NELL1: variants seen among roughly 807,000 people sequenced by gnomAD.
NELL1 encodes the protein protein kinase C-binding protein NELL1.
In NELL1, 76 loss-of-function variants were observed where a neutral mutation model predicts 107.4. The observed-to-expected ratio is 0.71, with a 90% CI of 0.59 to 0.86. NELL1 has a LOEUF of 0.86. Among genes scored for constraint, NELL1 ranks in the 40% least tolerant of loss-of-function variants. The pLI is 0.00. For synonymous variants in NELL1, 353 were observed against 341.2 expected (o/e 1.03, Z -0.38); for missense variants, 1,024 against 1,005.5 (o/e 1.02, Z -0.25).
At chr11:20,824,152 A>G (rs1324939069) in intron 3 of NELL1, among the ~76,000 whole-genome samples, 1 of 151,106 alleles carries the variant, frequency 6.6e-6, no homozygotes, top group Non-Finnish European at 1.5e-5. Flanking sequence ...TGCTGGCTTT[A>G]TAAGGGGCTT....
intron 2 of NELL1, among the ~76,000 whole-genome samples, chr11:20,782,337 T>A (rs1252960529): frequency 1.3e-5 from 2 of 152,208 alleles, no homozygotes; most frequent in Non-Finnish European, 2.9e-5. Flanking sequence ...GGTGTCTCCA[T>A]GGTGGAGGAC....
chr11:21,069,234 C>A (rs1346219466), intron 12 of NELL1, among the ~76,000 whole-genome samples: 1 of 152,132 alleles, frequency 6.6e-6, no homozygotes, highest in Non-Finnish European at 1.5e-5. Context: ...CACACATTTA[C>A]CTATGTAACA....
Position 20,895,602 on chromosome 11 carries a change from G to A in NELL1, c.603+10062G>A, listed in dbSNP as rs887560108. ...CTCACTGCAACCTCCGCCCCTCCAG[G>A]TTTAAGCATTTCTCTGCCTCAGCCT... On this transcript the variant is annotated intron_variant, in intron 5 of 19. Coordinates refer to ENST00000357134, the MANE Select transcript of NELL1 (RefSeq NM_006157.5). Among the ~76,000 whole-genome samples the A allele has an allele frequency of 4.2e-5, 6 of 143,462 alleles. 1 individual carries two copies. In the South Asian group the frequency reaches 1.1e-3, roughly 27 times the overall value. 94.1% of individuals were successfully genotyped at this position (143,462 alleles called of 152,430 possible).
chr11:20,755,544 T>G (rs1189263290), intron 2 of NELL1, among the ~76,000 whole-genome samples: 1 of 41,504 alleles, frequency 2.4e-5, no homozygotes, highest in Admixed American at 3.1e-4. Flanking sequence ...GTTTTTGTTT[T>G]TTTTTGTTTT....
At chr11:20,936,946 C>G (rs1188611881) in intron 9 of NELL1, among the ~76,000 whole-genome samples, 4 of 152,114 alleles carry the variant, frequency 2.6e-5, no homozygotes, top group African/African-American at 9.7e-5. Flanking sequence ...TCTGTTCCTC[C>G]TAGAGCTGGG....
chr11:21,203,873 T>C (rs145758979), intron 13 of NELL1, among the ~76,000 whole-genome samples: 1 of 152,326 alleles, frequency 6.6e-6, no homozygotes, highest in East Asian at 1.9e-4. Flanking sequence ...TTATGAAGCT[T>C]AGTTTGGCTG....
At chr11:21,007,857 G>A (rs1852363706) in intron 12 of NELL1, among the ~76,000 whole-genome samples, 1 of 151,948 alleles carries the variant, frequency 6.6e-6, no homozygotes, top group Admixed American at 6.6e-5. Context: ...TAACACCTCA[G>A]ATACATAGCT....
At chr11:20,894,988 C>CTTCATCCT in intron 5 of NELL1, among the ~76,000 whole-genome samples, 8 of 150,946 alleles carry the variant, frequency 5.3e-5, no homozygotes, top group African/African-American at 2.0e-4. Context: ...ATTATTCCCT[C>CTTCATCCT]TGGCCGGGCG....
At chr11:20,774,313 C>T (rs1856705694) in intron 2 of NELL1, among the ~76,000 whole-genome samples, 2 of 145,392 alleles carry the variant, frequency 1.4e-5, no homozygotes, top group South Asian at 4.6e-4. Flanking sequence ...CCCTCCCTTC[C>T]TCTCCTTTCT....
intron 12 of NELL1, among the ~76,000 whole-genome samples, chr11:21,086,920 C>G (rs983691844): frequency 1.3e-5 from 2 of 151,534 alleles, no homozygotes; most frequent in South Asian, 4.2e-4. Context: ...CAACCTCCCC[C>G]TCCCCAGTTC....
chr11:20,780,859 T>C (rs1385448420), intron 2 of NELL1, among the ~76,000 whole-genome samples: 1 of 152,000 alleles, frequency 6.6e-6, no homozygotes, highest in Non-Finnish European at 1.5e-5. Flanking sequence ...GCTCCTCTAG[T>C]AACCAAGGAG....
chr11:21,181,443 A>G (rs1309808593), intron 13 of NELL1, among the ~76,000 whole-genome samples: 1 of 151,936 alleles, frequency 6.6e-6, no homozygotes, highest in Non-Finnish European at 1.5e-5. Context: ...TAACAGCTAT[A>G]TGGCTTTAAA....
At chr11:21,088,334 CTCAT>C (rs1354866655) in intron 12 of NELL1, among the ~76,000 whole-genome samples, 1 of 151,974 alleles carries the variant, frequency 6.6e-6, no homozygotes, top group East Asian at 1.9e-4. Context: ...TGGTTTTTTT[CTCAT>C]TATCATAATT....
intron 2 of NELL1, among the ~76,000 whole-genome samples, chr11:20,765,506 C>A (rs1273543599): frequency 6.6e-6 from 1 of 152,100 alleles, no homozygotes; most frequent in Non-Finnish European, 1.5e-5. Context: ...AGGAGGCCTG[C>A]TTTAGCTGGG....
At chr11:21,078,812 A>G (rs1945323) in intron 12 of NELL1, among the ~76,000 whole-genome samples, 1 of 152,110 alleles carries the variant, frequency 6.6e-6, no homozygotes, top group South Asian at 2.1e-4. Flanking sequence ...TTAGTTTTCC[A>G]AATCACCACA....
chr11:21,498,346 TAC>T (rs1228049672), intron 15 of NELL1, among the ~76,000 whole-genome samples: 1 of 75,758 alleles, frequency 1.3e-5, no homozygotes, highest in South Asian at 4.7e-4. Context: ...TATATATATA[TAC>T]ATATATATAT....
chr11:21,481,853 G>T (rs141848024), intron 15 of NELL1, among the ~76,000 whole-genome samples: 351 of 152,230 alleles, frequency 2.3e-3, no homozygotes, highest in African/African-American at 8.1e-3. Context: ...CCATAGCTCC[G>T]CTGGTAGAGG....
intron 16 of NELL1, among the ~76,000 whole-genome samples, chr11:21,550,594 G>A (rs375306946): frequency 1.3e-5 from 2 of 152,092 alleles, no homozygotes; most frequent in South Asian, 2.1e-4. Flanking sequence ...TTATTAAATA[G>A]GGAATCCTTT....
chr11:21,336,654 T>C (rs1482900380), intron 14 of NELL1, among the ~76,000 whole-genome samples: 42 of 49,284 alleles, frequency 8.5e-4, no homozygotes, highest in Middle Eastern at 0.017. Flanking sequence ...TGTGTGTGTA[T>C]ATATATATAT....
Sources: gnomAD v4.1 joint callset for allele counts (sites outside exome capture counted in the v4.1 genomes callset) on GRCh38, gnomAD v4.1.1 for gene constraint, MANE v1.5 for transcripts, NCBI Gene and HGNC (gene_info 2026-07-23, HGNC 2026-07-21) for gene names.